The following ATRX variants were observed in gnomAD, a reference collection of about 807,000 sequenced individuals.
ATRX encodes chromatin remodeler ATRX.
ATRX carries 12 observed loss-of-function variants against 172.6 expected under a neutral mutation model. The ratio of observed to expected loss-of-function variants is 0.07; its 90% CI spans 0.04 to 0.11. The LOEUF (loss-of-function observed/expected upper bound fraction) is 0.11. Ranked by LOEUF, ATRX falls within the 10% of genes least tolerant of loss-of-function variation. The pLI is 1.00. For missense variants in ATRX, 1,368 were observed against 1,767.4 expected (o/e 0.77, Z 4.05); for synonymous variants, 674 against 594.7 (o/e 1.13, Z -1.94).
intron 1 of ATRX, among the ~76,000 whole-genome samples, chrX:77,721,274 G>A (rs1306924933): frequency 9.0e-6 from 1 of 111,727 alleles, no homozygotes; most frequent in Non-Finnish European, 1.9e-5. Context: ...TACAAGACAA[G>A]GATGCCCACT....
rs782363594 is a variant in ATRX at position 77,533,066 on chromosome X, A to G, written c.6700-9665T>C. On this transcript the variant is annotated intron_variant, in intron 30 of 34. Transcript: ENST00000373344. ...GCTCATCATCACTGATCGTTAGAGA[A>G]ATGCAAATCAAAACTACAATGAGAT... Among the ~76,000 whole-genome samples the G allele has an allele frequency of 2.7e-5, 3 of 112,489 alleles. No homozygotes were observed. In the South Asian group the frequency reaches 1.1e-3, roughly 42 times the overall value.
intron 22 of ATRX, among the ~76,000 whole-genome samples, chrX:77,604,021 T>A (rs2148178637): frequency 8.9e-6 from 1 of 111,993 alleles, no homozygotes; most frequent in Admixed American, 9.4e-5. Flanking sequence ...GCTGAAACAA[T>A]AAAAATACTA....
chrX:77,604,357 A>G (rs782039998), intron 22 of ATRX, among the ~76,000 whole-genome samples: 1 of 112,629 alleles, frequency 8.9e-6, no homozygotes, highest in Admixed American at 9.4e-5. Flanking sequence ...ACATTTTTCA[A>G]AAGAAGATAT....
At chrX:77,751,689 T>C (rs1557187692) in intron 1 of ATRX, among the ~76,000 whole-genome samples, 1 of 112,240 alleles carries the variant, frequency 8.9e-6, no homozygotes, top group Non-Finnish European at 1.9e-5. Context: ...AGTTAATTTT[T>C]GTATAAGCTC....
chrX:77,592,782 C>T lies in ATRX; in HGVS notation c.6110+914G>A, dbSNP rs1263114901. 2.9e-5 allele frequency among the ~76,000 whole-genome samples: 3 copies of T among 105,200 alleles called. No individual in the cohort carries two copies. In the Admixed American group the frequency reaches 3.1e-4, roughly 11 times the overall value. 91.4% of individuals were successfully genotyped at this position (105,200 alleles called of 115,157 possible). On this transcript the variant is annotated intron_variant, in intron 26 of 34. Transcript: ENST00000373344. The stretch of plus-strand genomic sequence containing the variant: ...AGCCGAGATCGCACCATTGCACTCC[C>T]GCCTGGGCAACAACAGCAAAACTCC...
At chrX:77,527,939 G>A (rs2063443693) in intron 30 of ATRX, among the ~76,000 whole-genome samples, 1 of 108,624 alleles carries the variant, frequency 9.2e-6, no homozygotes, top group African/African-American at 3.3e-5. Context: ...AGATAAGGGG[G>A]CCAGACTGCT....
chrX:77,779,088 C>G, intron 1 of ATRX, among the ~76,000 whole-genome samples: 1 of 100,760 alleles, frequency 9.9e-6, no homozygotes, highest in Non-Finnish European at 2.0e-5. Context: ...CCACCATGCC[C>G]GGATTTTTTT....
intron 30 of ATRX, among the ~76,000 whole-genome samples, chrX:77,551,549 T>C (rs1214398086): frequency 8.9e-6 from 1 of 111,780 alleles, no homozygotes; most frequent in Non-Finnish European, 1.9e-5. Flanking sequence ...ATTCAGGAAA[T>C]AGGCATGGGC....
chrX:77,717,793 A>G (rs573414667), intron 1 of ATRX, among the ~76,000 whole-genome samples: 58 of 111,385 alleles, frequency 5.2e-4, no homozygotes, highest in South Asian at 2.6e-3. Flanking sequence ...GTTAAACTTC[A>G]TGTTACTTAA....
Position 77,509,916 on chromosome X carries a change from G to C in ATRX, c.7201-1287C>G, listed in dbSNP as rs1163595686. ...GAAAGCCAGTGGACGGGGGGCGGGG[G>C]GGGGGGGCACATGACCTAGTGAGAC... On this transcript the variant is annotated intron_variant, in intron 34 of 34. Transcript: ENST00000373344. Among the ~76,000 whole-genome samples, 212 of 74,312 alleles carry C rather than the reference G, an allele frequency of 2.9e-3. 4 individuals are homozygous for C. The highest frequency in any genetic ancestry group is 0.01 in the African/African-American group (202 of 20,033). 64.5% of individuals were successfully genotyped at this position (74,312 alleles called of 115,157 possible).
chrX:77,770,909 A>G lies in ATRX; in HGVS notation c.20+15073T>C, dbSNP rs782288160. On this transcript the variant is annotated intron_variant, in intron 1 of 34. Transcript: ENST00000373344. ...AATCTCCATCCCTTCCTATTTTCCT[A>G]CTTTACAGGCTAGAGTTATCTTCTT... Among the ~76,000 whole-genome samples the G allele has an allele frequency of 9.8e-5, 11 of 112,044 alleles. 1 individual carries two copies. The South Asian group carries it at 3.3e-3, about 34-fold the overall frequency.
chrX:77,676,114 A>G (rs2070849908), intron 10 of ATRX, 112 bp downstream of exon 10: 1 of 691,684 alleles, frequency 1.4e-6, no homozygotes, highest in Non-Finnish European at 2.2e-6. Context: ...GAGTCTTTCT[A>G]AGGCAGGCAC....
At chrX:77,574,452 T>C (rs2065535890) in intron 27 of ATRX, 94 bp from the exon 28 acceptor site, 5 of 617,246 alleles carry the variant, frequency 8.1e-6, no homozygotes, top group Middle Eastern at 3.1e-4. Flanking sequence ...CATTTAAAAG[T>C]GGGTTATATA....
At chrX:77,539,227 A>G (rs1472100739) in intron 30 of ATRX, among the ~76,000 whole-genome samples, 1 of 111,175 alleles carries the variant, frequency 9.0e-6, no homozygotes, top group South Asian at 3.8e-4. Context: ...ATCCTTTACT[A>G]CAAAGGAATA....
chrX:77,622,114 A>G (rs2067616024), intron 19 of ATRX, among the ~76,000 whole-genome samples: 1 of 111,944 alleles, frequency 8.9e-6, no homozygotes, highest in Non-Finnish European at 1.9e-5. Flanking sequence ...AATAATTATC[A>G]AAATGCAAAA....
intron 1 of ATRX, among the ~76,000 whole-genome samples, chrX:77,781,313 G>A (rs1359745801): frequency 3.7e-5 from 4 of 109,170 alleles, no homozygotes; most frequent in African/African-American, 1.3e-4. Flanking sequence ...ATGGTGGCAG[G>A]TGCCTGTAGT....
rs782504301 is a variant in ATRX at position 77,721,905 on chromosome X, T to C, written c.21-4662A>G. Among the ~76,000 whole-genome samples the C allele has an allele frequency of 8.1e-5, 9 of 111,717 alleles. No homozygotes were observed. The South Asian group carries it at 2.2e-3, about 28-fold the overall frequency. On this transcript the variant is annotated intron_variant, in intron 1 of 34. Transcript: ENST00000373344. ...AAACAGAACAAAGCTGGAGGCATCA[T>C]GCTACCTGACTTCAAACTATACTAC... is the stretch of plus-strand genomic sequence containing the variant.
At chrX:77,535,914 T>G (rs781888105) in intron 30 of ATRX, among the ~76,000 whole-genome samples, 23 of 107,177 alleles carry the variant, frequency 2.1e-4, no homozygotes, top group African/African-American at 7.2e-4. Context: ...TTTTTTTTTG[T>G]ATTTTTGTAG....
chrX:77,566,815 C>T (rs1385086248), intron 28 of ATRX, among the ~76,000 whole-genome samples: 1 of 111,746 alleles, frequency 8.9e-6, no homozygotes, highest in Non-Finnish European at 1.9e-5. Context: ...AAAAGGAATA[C>T]TGAAACATTA....
Sources: gnomAD v4.1 joint callset for allele counts (sites outside exome capture counted in the v4.1 genomes callset) on GRCh38, gnomAD v4.1.1 for gene constraint, MANE v1.5 for transcripts, NCBI Gene and HGNC (gene_info 2026-07-23, HGNC 2026-07-21) for gene names.